The following NRXN3 variants were observed in gnomAD, a reference collection of about 807,000 sequenced individuals.
NRXN3 encodes neurexin 3, also known as neurexin III.
Under a neutral mutation model 137.6 loss-of-function variants are expected in NRXN3, and 32 were observed. The observed-to-expected ratio is 0.23, with a 90% CI of 0.18 to 0.31. NRXN3 has a LOEUF of 0.31. Among genes scored for constraint, NRXN3 ranks in the 10% least tolerant of loss-of-function variants. The pLI is 1.00. For synonymous variants in NRXN3, 798 were observed against 784.5 expected (o/e 1.02, Z -0.29); for missense variants, 1,574 against 2,062.5 (o/e 0.76, Z 4.59).
intron 19 of NRXN3, among the ~76,000 whole-genome samples, chr14:79,792,533 AAAG>A (rs1358397674): frequency 6.6e-6 from 1 of 152,254 alleles, no homozygotes; most frequent in Non-Finnish European, 1.5e-5. Context: ...CTACAAGAAA[AAAG>A]AATCTAGAAA....
chr14:78,660,929 G>T (rs1006607058), intron 6 of NRXN3, among the ~76,000 whole-genome samples: 2 of 152,112 alleles, frequency 1.3e-5, no homozygotes, highest in African/African-American at 4.8e-5. Flanking sequence ...TAATACTGGA[G>T]GATCTTAGAA....
At chr14:78,709,727 T>C in intron 7 of NRXN3, 72 bp downstream of exon 7, 1 of 1,389,482 alleles carries the variant, frequency 7.2e-7, no homozygotes, top group Non-Finnish European at 9.8e-7. Context: ...TTTGGCTTTA[T>C]GTTTCTTAAT....
chr14:78,958,078 C>T (rs2099400313), intron 11 of NRXN3, among the ~76,000 whole-genome samples: 1 of 152,134 alleles, frequency 6.6e-6, no homozygotes, highest in African/African-American at 2.4e-5. Context: ...ATGAGATTAC[C>T]TGTTTCCTCA....
intron 20 of NRXN3, among the ~76,000 whole-genome samples, chr14:79,811,753 T>C (rs1473484421): frequency 2.6e-5 from 4 of 151,550 alleles, no homozygotes; most frequent in Admixed American, 6.6e-5. Context: ...GGCTAATTTT[T>C]TTCTATTTTT....
intron 16 of NRXN3, among the ~76,000 whole-genome samples, chr14:79,657,511 C>T (rs1255225128): frequency 6.6e-6 from 1 of 152,180 alleles, no homozygotes; most frequent in Non-Finnish European, 1.5e-5. Context: ...GAGACCTGGT[C>T]TCTTACCTCT....
At chr14:79,791,429 G>T (rs951638738) in intron 19 of NRXN3, among the ~76,000 whole-genome samples, 1 of 145,832 alleles carries the variant, frequency 6.9e-6, no homozygotes, top group Non-Finnish European at 1.5e-5. Flanking sequence ...CCTATAATAG[G>T]AGCCAAATTT....
intron 16 of NRXN3, among the ~76,000 whole-genome samples, chr14:79,637,318 C>A (rs566605817): frequency 6.6e-6 from 1 of 152,170 alleles, no homozygotes; most frequent in South Asian, 2.1e-4. Flanking sequence ...TGTTATTATT[C>A]TTATTATCCT....
intron 15 of NRXN3, among the ~76,000 whole-genome samples, chr14:79,217,129 T>C (rs2068656494): frequency 7.7e-6 from 1 of 129,136 alleles, no homozygotes; most frequent in Admixed American, 7.6e-5. Flanking sequence ...AGAGCAAGAC[T>C]CTGTCTCAAA....
chr14:79,072,972 C>G (rs1428960345), intron 15 of NRXN3, among the ~76,000 whole-genome samples: 1 of 151,554 alleles, frequency 6.6e-6, no homozygotes, highest in Non-Finnish European at 1.5e-5. Flanking sequence ...TGCAACCTCC[C>G]CCTCCCAGGG....
intron 10 of NRXN3, among the ~76,000 whole-genome samples, chr14:78,890,451 A>C (rs2099155763): frequency 6.6e-6 from 1 of 151,872 alleles, no homozygotes; most frequent in African/African-American, 2.4e-5. Flanking sequence ...TCCCATGCAA[A>C]GGTTTAACTG....
chr14:79,229,648 G>T (rs927388896), intron 15 of NRXN3, among the ~76,000 whole-genome samples: 3 of 152,142 alleles, frequency 2.0e-5, no homozygotes, highest in African/African-American at 7.2e-5. Context: ...GAACTCCTGG[G>T]AAGGGAAGGT....
intron 5 of NRXN3, among the ~76,000 whole-genome samples, chr14:78,648,606 AG>A (rs1177952836): frequency 6.6e-6 from 1 of 152,222 alleles, no homozygotes; most frequent in Non-Finnish European, 1.5e-5. Flanking sequence ...AAAATGAAAT[AG>A]GCTGTAGATG....
intron 16 of NRXN3, among the ~76,000 whole-genome samples, chr14:79,583,367 A>G (rs2097735202): frequency 6.6e-6 from 1 of 152,210 alleles, no homozygotes; most frequent in Admixed American, 6.5e-5. Context: ...CATTGCTAAG[A>G]AAAGAAACAC....
At chr14:79,844,605 G>A (rs1306803593) in intron 20 of NRXN3, among the ~76,000 whole-genome samples, 1 of 151,934 alleles carries the variant, frequency 6.6e-6, no homozygotes, top group Non-Finnish European at 1.5e-5. Context: ...TATTTTGAAA[G>A]GAATCTTTTA....
At chr14:78,751,285 G>T (rs980102941) in intron 8 of NRXN3, among the ~76,000 whole-genome samples, 3 of 152,182 alleles carry the variant, frequency 2.0e-5, no homozygotes, top group Non-Finnish European at 2.9e-5. Context: ...TAGCATCCCC[G>T]ATGTTCCGAA....
At chr14:79,578,951 A>G (rs2097690039) in intron 16 of NRXN3, among the ~76,000 whole-genome samples, 1 of 152,154 alleles carries the variant, frequency 6.6e-6, no homozygotes, top group Non-Finnish European at 1.5e-5. Context: ...CCTCTCAATG[A>G]CAAAATTATT....
At chr14:79,810,125 A>G (rs1158163926) in intron 20 of NRXN3, among the ~76,000 whole-genome samples, 2 of 152,186 alleles carry the variant, frequency 1.3e-5, no homozygotes, top group African/African-American at 2.4e-5. Flanking sequence ...GATATGATCA[A>G]CTTCCTGGAT....
intron 15 of NRXN3, among the ~76,000 whole-genome samples, chr14:79,242,232 C>T (rs184037150): frequency 3.3e-5 from 5 of 152,244 alleles, no homozygotes; most frequent in African/African-American, 9.6e-5. Context: ...AAAACTTGGG[C>T]TCTTAGCTTT....
In NRXN3 at chr14:79,795,852, C is replaced by T. The variant is rs140636559; in HGVS notation, c.4015-9260C>T. 3.3e-3 allele frequency among the ~76,000 whole-genome samples: 504 copies of T among 152,204 alleles called. 1 individual carries two copies. The highest frequency in any genetic ancestry group is 0.011 in the African/African-American group (473 of 41,510). On this transcript the variant is annotated intron_variant, in intron 19 of 20. Transcript: ENST00000335750. ...CATACTAAGTTTTGGGATGTACTAA[C>T]ATGCACTCTTTTCTTGTGTTTACAT...
Sources: gnomAD v4.1 joint callset for allele counts (sites outside exome capture counted in the v4.1 genomes callset) on GRCh38, gnomAD v4.1.1 for gene constraint, MANE v1.5 for transcripts, NCBI Gene and HGNC (gene_info 2026-07-23, HGNC 2026-07-21) for gene names.